The following YTHDC2 variants were observed in gnomAD, a reference collection of about 807,000 sequenced individuals.
YTHDC2 encodes YTH N6-methyladenosine RNA binding protein C2.
Under a neutral mutation model 174.9 loss-of-function variants are expected in YTHDC2, and 45 were observed. The observed-to-expected ratio is 0.26, with a 90% CI of 0.20 to 0.33. The LOEUF (loss-of-function observed/expected upper bound fraction) is 0.33, where lower values mean the gene tolerates loss of function less well. Ranked by LOEUF, YTHDC2 falls within the 10% of genes least tolerant of loss-of-function variation. YTHDC2 has a pLI of 1.00. For missense variants in YTHDC2, 1,650 were observed against 1,723.7 expected (o/e 0.96, Z 0.76); for synonymous variants, 657 against 574.5 (o/e 1.14, Z -2.05).
At chr5:113,534,746 C>T (rs1205786160) in intron 6 of YTHDC2, among the ~76,000 whole-genome samples, 1 of 152,018 alleles carries the variant, frequency 6.6e-6, no homozygotes, top group Non-Finnish European at 1.5e-5. Flanking sequence ...TCTTTTATCT[C>T]TATACTTGGT....
At chr5:113,579,931 TGTTGTTGCTGC>T in intron 24 of YTHDC2, 1 of 984,700 alleles carries the variant, frequency 1.0e-6, no homozygotes. Flanking sequence ...TGTCTTAGTT[TGTTGTTGCTGC>T]TATAGTAATT....
chr5:113,565,328 T>C (rs1304753918), intron 20 of YTHDC2, among the ~76,000 whole-genome samples: 2 of 152,200 alleles, frequency 1.3e-5, no homozygotes, highest in African/African-American at 4.8e-5. Context: ...GAGTAGAATT[T>C]CTATCTGTTC....
intron 4 of YTHDC2, among the ~76,000 whole-genome samples, chr5:113,529,554 ATTAT>A (rs1318567303): frequency 6.6e-6 from 1 of 152,176 alleles, no homozygotes; most frequent in Non-Finnish European, 1.5e-5. Context: ...AATGGATATA[ATTAT>A]TTAAACATTT....
rs1264103029 is a variant in YTHDC2 at position 113,535,699 on chromosome 5, T to C, written c.1003T>C (p.Leu335=). ...SDFLLTKLRD[L]LQKHPTLKLI... is the part of the protein sequence containing the mutation. ...TTTTTTACTTACAAAGTTAAGAGAT[T>C]TGTTGCAAAAGCACCCAACTTTGAA... Residue 335 remains leucine (L), a synonymous_variant, in exon 7 of 30, where the codon TTG becomes CTG. Transcript: ENST00000161863. The C allele has an allele frequency of 2.5e-6, 4 of 1,613,846 alleles. No individual in the cohort carries two copies. Among genetic ancestry groups the C allele is most frequent in the Non-Finnish European group, 3.4e-6 (4 of 1,179,898 alleles).
In YTHDC2 at chr5:113,592,047, G is replaced by C; in HGVS notation, c.4081G>C (p.Gly1361Arg). The C allele has an allele frequency of 6.2e-7, 1 of 1,612,812 alleles. No homozygotes were observed. The highest frequency in any genetic ancestry group is 8.5e-7 in the Non-Finnish European group (1 of 1,179,330). ...EIGREKSQDW[G>R]SAGLGGVFKV... ...TGGAAGGGAAAAGAGTCAGGACTGGGGCTCTGCTGGACTAGGAGGAGTATT... is the reference window on the plus strand; with the variant it reads ...TGGAAGGGAAAAGAGTCAGGACTGGCGCTCTGCTGGACTAGGAGGAGTATT... Residue 1361 changes from glycine (G) to arginine (R), a missense_variant, in exon 28 of 30, where the codon GGC (glycine) becomes CGC (arginine). By Grantham distance (125) the Gly-to-Arg change is moderately radical. Around this residue, in one of 5 missense-constraint regions of YTHDC2, gnomAD observed 913 missense variants for 940.4 expected, o/e 0.97. Coordinates refer to ENST00000161863, the MANE Select transcript of YTHDC2 (RefSeq NM_022828.5).
intron 7 of YTHDC2, among the ~76,000 whole-genome samples, chr5:113,537,361 CT>C (rs139190695): frequency 0.46 from 56,715 of 124,270 alleles, 11,331 homozygotes; most frequent in African/African-American, 0.62. Flanking sequence ...GGCTCTCTCT[CT>C]TTTTTTTTTT....
chr5:113,539,856 A>C (rs780145258), intron 8 of YTHDC2, among the ~76,000 whole-genome samples: 9 of 152,114 alleles, frequency 5.9e-5, no homozygotes, highest in Non-Finnish European at 1.0e-4. Context: ...AATTACTGAT[A>C]TGTAAGTTGT....
intron 10 of YTHDC2, among the ~76,000 whole-genome samples, chr5:113,546,884 A>T (rs965775257): frequency 2.6e-5 from 4 of 152,216 alleles, no homozygotes; most frequent in Non-Finnish European, 5.9e-5. Context: ...CAGAATAGCC[A>T]TGAGTTCTTG....
intron 23 of YTHDC2, among the ~76,000 whole-genome samples, chr5:113,572,014 T>C (rs1777754662): frequency 6.6e-6 from 1 of 152,170 alleles, no homozygotes; most frequent in African/African-American, 2.4e-5. Flanking sequence ...TTCTGCTAGC[T>C]TGGGTTTGTT....
At chr5:113,571,982 C>G (rs989647326) in intron 23 of YTHDC2, among the ~76,000 whole-genome samples, 1 of 152,200 alleles carries the variant, frequency 6.6e-6, no homozygotes, top group East Asian at 1.9e-4. Context: ...CACTTCTGCT[C>G]TGATATTAGT....
rs1262850427 is a variant in YTHDC2 at position 113,548,653 on chromosome 5, A to G, written c.1608A>G (p.Lys536=). ...GTATGGGAGCCAATGTCCATAGTAAAGCATCAAATGGCTGGTAATTTTAAA... is the reference window on the plus strand; with the variant it reads ...GTATGGGAGCCAATGTCCATAGTAAGGCATCAAATGGCTGGTAATTTTAAA... ...LISMGANVHS[K]ASNGWMALDW... is the part of the protein sequence containing the mutation. Residue 536 remains lysine, a synonymous_variant, in exon 11 of 30, where the codon AAA becomes AAG. Transcript: ENST00000161863. The G allele has an allele frequency of 1.9e-6, 3 of 1,607,682 alleles. No homozygotes were observed. Among genetic ancestry groups the G allele is most frequent in the Non-Finnish European group, 2.5e-6 (3 of 1,177,936 alleles).
At chr5:113,542,209 G>A (rs1026593428) in intron 9 of YTHDC2, among the ~76,000 whole-genome samples, 159 bp from the exon 10 acceptor site, 1 of 152,208 alleles carries the variant, frequency 6.6e-6, no homozygotes, top group African/African-American at 2.4e-5. Context: ...TATTGTGAGT[G>A]ATAATGTTTG....
At chr5:113,571,211 C>A (rs948277035) in intron 23 of YTHDC2, among the ~76,000 whole-genome samples, 2 of 152,176 alleles carry the variant, frequency 1.3e-5, no homozygotes, top group African/African-American at 4.8e-5. Context: ...TTATTGAAGG[C>A]CTTTTCTGCA....
chr5:113,555,833 T>TA (rs1776571131), intron 16 of YTHDC2, among the ~76,000 whole-genome samples: 1 of 152,210 alleles, frequency 6.6e-6, no homozygotes, highest in Non-Finnish European at 1.5e-5. Flanking sequence ...GGAGAAGTTT[T>TA]ACGCTCTTCT....
chr5:113,588,268 T>C (rs1026979800), intron 26 of YTHDC2, among the ~76,000 whole-genome samples: 4 of 152,164 alleles, frequency 2.6e-5, no homozygotes, highest in Admixed American at 2.6e-4. Flanking sequence ...CACATATCTT[T>C]CCCTTGATCT....
intron 2 of YTHDC2, among the ~76,000 whole-genome samples, chr5:113,518,050 G>A (rs576346515): frequency 2.0e-5 from 3 of 151,902 alleles, no homozygotes; most frequent in South Asian, 2.1e-4. Flanking sequence ...CACCACGCCC[G>A]GCTAATTTTT....
chr5:113,523,779 C>G (rs1214069633), intron 2 of YTHDC2, among the ~76,000 whole-genome samples: 2 of 151,926 alleles, frequency 1.3e-5, no homozygotes, highest in Admixed American at 6.6e-5. Context: ...TGATATCACT[C>G]TTATGGTGAA....
At chr5:113,543,786 T>A (rs1384915724) in intron 10 of YTHDC2, among the ~76,000 whole-genome samples, 1 of 152,244 alleles carries the variant, frequency 6.6e-6, no homozygotes, top group Non-Finnish European at 1.5e-5. Context: ...ATATTCTTCA[T>A]GTATGCCAAC....
intron 4 of YTHDC2, among the ~76,000 whole-genome samples, 187 bp from the exon 5 acceptor site, chr5:113,532,692 A>T (rs1164201604): frequency 1.3e-5 from 2 of 152,174 alleles, no homozygotes; most frequent in African/African-American, 4.8e-5. Flanking sequence ...TTTAGTTTCT[A>T]TTGTGAGCAA....
Sources: allele counts gnomAD v4.1 joint callset (sites outside exome capture counted in the v4.1 genomes callset), GRCh38; gene constraint gnomAD v4.1.1; regional missense constraint gnomAD v4.1.1; transcripts MANE v1.5; gene names NCBI Gene and HGNC (gene_info 2026-07-23, HGNC 2026-07-21).